The following PIK3C2G variants were observed in gnomAD, a reference collection of about 807,000 sequenced individuals.
The protein encoded by PIK3C2G is phosphatidylinositol 3-kinase C2 domain-containing subunit gamma.
Under a neutral mutation model 181.1 loss-of-function variants are expected in PIK3C2G, and 168 were observed. The observed-to-expected ratio is 0.93, with a 90% CI of 0.82 to 1.05. The LOEUF (loss-of-function observed/expected upper bound fraction) is 1.05. Ranked by LOEUF, PIK3C2G falls within the 50% of genes least tolerant of loss-of-function variation. PIK3C2G has a pLI of 0.00. For synonymous variants in PIK3C2G, 573 were observed against 592.2 expected (o/e 0.97, Z 0.47); for missense variants, 1,869 against 1,732.8 (o/e 1.08, Z -1.40).
chr12:18,435,825 T>G (rs2135791147), intron 18 of PIK3C2G, among the ~76,000 whole-genome samples: 1 of 152,184 alleles, frequency 6.6e-6, no homozygotes, highest in South Asian at 2.1e-4. Flanking sequence ...GATTTTATCC[T>G]CTTTGAAGAT....
the PIK3C2G span, among the ~76,000 whole-genome samples, chr12:18,720,018 A>ACC: frequency 6.6e-6 from 1 of 152,104 alleles, no homozygotes; most frequent in African/African-American, 2.4e-5. Context: ...CCAGTCACTC[A>ACC]CCACACCCAA....
chr12:18,321,967 A>C (rs1951130740), intron 7 of PIK3C2G, among the ~76,000 whole-genome samples: 1 of 152,220 alleles, frequency 6.6e-6, no homozygotes, highest in South Asian at 2.1e-4. Flanking sequence ...ATCAGGATAA[A>C]TAGCTAATGC....
chr12:18,247,447 G>C (rs1383113318), upstream of PIK3C2G, among the ~76,000 whole-genome samples: 1 of 152,164 alleles, frequency 6.6e-6, no homozygotes, highest in African/African-American at 2.4e-5. Flanking sequence ...ATCTGCAGAA[G>C]AGAAAAGAAA....
At chr12:18,676,723 T>C in the PIK3C2G span, among the ~76,000 whole-genome samples, 11,400 of 152,204 alleles carry the variant, frequency 0.075, 563 homozygotes, top group Non-Finnish European at 0.11. Flanking sequence ...CACTTAACTA[T>C]TCCTGTTGTC....
chr12:18,352,708 G>A (rs2137712852), intron 11 of PIK3C2G, among the ~76,000 whole-genome samples: 1 of 152,316 alleles, frequency 6.6e-6, no homozygotes, highest in East Asian at 1.9e-4. Flanking sequence ...TGATGAAGGT[G>A]GCTCTCAGCA....
intron 30 of PIK3C2G, among the ~76,000 whole-genome samples, chr12:18,600,843 G>A (rs1434504977): frequency 6.6e-6 from 1 of 152,026 alleles, no homozygotes; most frequent in Non-Finnish European, 1.5e-5. Flanking sequence ...AAAATACCAA[G>A]TTCAGATAAT....
At chr12:18,491,019 T>C (rs1940519046) in intron 19 of PIK3C2G, among the ~76,000 whole-genome samples, 2 of 152,294 alleles carry the variant, frequency 1.3e-5, no homozygotes, top group South Asian at 2.1e-4. Flanking sequence ...TTTTTTTTTG[T>C]AAAATGCACT....
intron 16 of PIK3C2G, among the ~76,000 whole-genome samples, chr12:18,410,271 G>A (rs1351332681): frequency 6.6e-6 from 1 of 152,080 alleles, no homozygotes; most frequent in African/African-American, 2.4e-5. Flanking sequence ...AGGCCGAGGT[G>A]AGGTTGGCAG....
At chr12:18,646,298 T>C (rs1482472676) in intron 32 of PIK3C2G, among the ~76,000 whole-genome samples, 3 of 152,180 alleles carry the variant, frequency 2.0e-5, no homozygotes, top group African/African-American at 7.2e-5. Flanking sequence ...AAAATATCAT[T>C]GTGAATGAGC....
chr12:18,488,694 T>A (rs1438231052), intron 19 of PIK3C2G, 65 bp downstream of exon 19: 1 of 1,029,794 alleles, frequency 9.7e-7, no homozygotes, highest in African/African-American at 1.7e-5. Flanking sequence ...AAGTTTTAAT[T>A]TCATTGTTTG....
At chr12:18,576,526 A>C (rs1407820354) in intron 29 of PIK3C2G, among the ~76,000 whole-genome samples, 5 of 152,342 alleles carry the variant, frequency 3.3e-5, no homozygotes, top group African/African-American at 1.2e-4. Flanking sequence ...ACAGAGTATA[A>C]TAATATTAGT....
At chr12:18,306,692 C>T (rs1164791211) in intron 5 of PIK3C2G, among the ~76,000 whole-genome samples, 1 of 151,982 alleles carries the variant, frequency 6.6e-6, no homozygotes, top group Admixed American at 6.6e-5. Flanking sequence ...ATACTCTGAA[C>T]AGTACTACAG....
chr12:18,623,835 G>C (rs73070238), intron 31 of PIK3C2G, among the ~76,000 whole-genome samples: 4,623 of 151,654 alleles, frequency 0.03, 79 homozygotes, highest in Middle Eastern at 0.065. Flanking sequence ...TTTTTGGAAA[G>C]TTCATTGTTA....
intron 11 of PIK3C2G, among the ~76,000 whole-genome samples, chr12:18,349,580 C>A (rs1048432897): frequency 6.6e-6 from 1 of 152,102 alleles, no homozygotes; most frequent in Admixed American, 6.6e-5. Context: ...TTCCTTGATT[C>A]ATTACACTGA....
Position 18,352,399 on chromosome 12 carries a change from C to A in PIK3C2G, c.1625+5563C>A, listed in dbSNP as rs1940302410. 3.3e-5 allele frequency among the ~76,000 whole-genome samples: 5 copies of A among 152,156 alleles called. No homozygotes were observed. In the South Asian group the frequency reaches 1.0e-3, roughly 32 times the overall value. On this transcript the variant is annotated intron_variant, in intron 11 of 32. Coordinates refer to ENST00000538779, the MANE Select transcript of PIK3C2G (RefSeq NM_001288772.2). ...TGTTTAGTCAGCCTACAGCTCTCAA[C>A]CCCTCATGGGAGGGGAGGACATACA...
At chr12:18,709,085 T>C in the PIK3C2G span, among the ~76,000 whole-genome samples, 2 of 152,176 alleles carry the variant, frequency 1.3e-5, no homozygotes, top group African/African-American at 4.8e-5. Flanking sequence ...AAATAATAAT[T>C]GCCAAAGTCA....
the PIK3C2G span, chr12:18,705,048 A>G: frequency 1.0e-5 from 13 of 1,258,030 alleles, no homozygotes; most frequent in Non-Finnish European, 1.5e-5. Flanking sequence ...AAACCTCTAT[A>G]CGTGATCAAA....
chr12:18,594,112 T>A (rs976583140), intron 29 of PIK3C2G, among the ~76,000 whole-genome samples: 6 of 151,930 alleles, frequency 3.9e-5, no homozygotes, highest in African/African-American at 7.2e-5. Flanking sequence ...ACTGAGCCTG[T>A]CTGTCCCACT....
chr12:18,596,011 A>G (rs1436766946), intron 30 of PIK3C2G, among the ~76,000 whole-genome samples: 3 of 152,136 alleles, frequency 2.0e-5, no homozygotes, highest in East Asian at 1.9e-4. Context: ...ATCCATGTCC[A>G]TATGGCTCAC....
Sources: allele counts gnomAD v4.1 joint callset (sites outside exome capture counted in the v4.1 genomes callset), GRCh38; gene constraint gnomAD v4.1.1; transcripts MANE v1.5; gene names NCBI Gene and HGNC (gene_info 2026-07-23, HGNC 2026-07-21).